Variants in GLRX3 observed in about 807,000 individuals in gnomAD.
GLRX3 encodes the protein glutaredoxin-3.
A neutral mutation model predicts 49.5 loss-of-function variants in GLRX3; 22 were observed. The ratio of observed to expected loss-of-function variants is 0.44; its 90% CI spans 0.32 to 0.63. The LOEUF (loss-of-function observed/expected upper bound fraction) is 0.63. GLRX3 is among the 30% of genes least tolerant of loss of function. The pLI, the probability that GLRX3 is intolerant of heterozygous loss-of-function variation, is 0.05. For synonymous variants in GLRX3, 133 were observed against 140.0 expected (o/e 0.95, Z 0.35); for missense variants, 385 against 396.3 (o/e 0.97, Z 0.24).
At chr10:130,150,629 T>G (rs1015902564) in intron 2 of GLRX3, among the ~76,000 whole-genome samples, 2 of 152,228 alleles carry the variant, frequency 1.3e-5, no homozygotes, top group African/African-American at 4.8e-5. Flanking sequence ...TGCGACTATC[T>G]TAAAGATACA....
chr10:130,160,683 G>A (rs1862557196), intron 3 of GLRX3, 113 bp from the exon 4 acceptor site: 1 of 661,732 alleles, frequency 1.5e-6, no homozygotes, highest in African/African-American at 1.8e-5. Flanking sequence ...TTGGCAATGA[G>A]GGTTTCTTTT....
chr10:130,151,100 G>A (rs1049840757), intron 2 of GLRX3, among the ~76,000 whole-genome samples: 1 of 151,956 alleles, frequency 6.6e-6, no homozygotes, highest in East Asian at 1.9e-4. Flanking sequence ...GCTAATTTTT[G>A]TATTTTTAGT....
chr10:130,171,293 G>A (rs1862803030), intron 7 of GLRX3, among the ~76,000 whole-genome samples: 1 of 152,154 alleles, frequency 6.6e-6, no homozygotes, highest in South Asian at 2.1e-4. Context: ...GAAAATCTCG[G>A]TTTCACTTAG....
At position 130,161,080 on chromosome 10, in the gene GLRX3, C is replaced by T. The variant is rs1457788586; in HGVS notation, c.478+83C>T. ...ATGGTTGAGATGGGCATCCTGTTTC[C>T]AAGGATGCTATACCATACATCTTAT... On this transcript the variant is annotated intron_variant, in intron 4 of 10. Coordinates refer to ENST00000331244, the MANE Select transcript of GLRX3 (RefSeq NM_006541.5). The T allele has an allele frequency of 6.8e-6, 6 of 885,424 alleles. No homozygotes were observed. The East Asian group carries it at 9.6e-5, about 14-fold the overall frequency. The allele number at this position is 885,424 out of a possible 1,614,324, so 54.8% of individuals were successfully genotyped here.
At chr10:130,139,369 G>A (rs1862129817) in intron 1 of GLRX3, among the ~76,000 whole-genome samples, 1 of 149,798 alleles carries the variant, frequency 6.7e-6, no homozygotes, top group African/African-American at 2.5e-5. Context: ...GCCGGGCGCG[G>A]TGGCTCACGC....
rs528925409 is a variant in GLRX3, at chr10:130,146,581, G to A, written c.201+1262G>A. Among the ~76,000 whole-genome samples the A allele has an allele frequency of 2.5e-3, 374 of 152,286 alleles. 3 individuals are homozygous for A. Among genetic ancestry groups the A allele is most frequent in the Non-Finnish European group, 3.9e-3 (268 of 68,028 alleles). On this transcript the variant is annotated intron_variant, in intron 2 of 10. Coordinates refer to ENST00000331244, the MANE Select transcript of GLRX3 (RefSeq NM_006541.5). ...AGATATTATTCAGGACTTAGTACTG[G>A]TTTAGGCAGCAGGGCCAAAATATGT... is the stretch of plus-strand genomic sequence containing the variant.
intron 10 of GLRX3, among the ~76,000 whole-genome samples, chr10:130,177,550 G>A (rs191048320): frequency 6.1e-4 from 93 of 152,330 alleles, no homozygotes; most frequent in African/African-American, 2.1e-3. Context: ...TGAGGAAACA[G>A]AGACATAGAG....
At chr10:130,155,613 G>T (rs1451549943) in intron 2 of GLRX3, among the ~76,000 whole-genome samples, 1 of 152,162 alleles carries the variant, frequency 6.6e-6, no homozygotes, top group Non-Finnish European at 1.5e-5. Flanking sequence ...GATGCCTTGT[G>T]GGAGGAGCAG....
rs775458007 is a variant in GLRX3, at chr10:130,159,949, A to C, written c.202-46A>C. 5 of 1,360,468 alleles carry C rather than the reference A, an allele frequency of 3.7e-6. No individual in the cohort carries two copies. The East Asian group carries it at 1.1e-4, about 31-fold the overall frequency. The allele number at this position is 1,360,468 out of a possible 1,614,324, so 84.3% of individuals were successfully genotyped here. A position where few individuals can be genotyped will look rare whatever the true frequency, so the allele number is the denominator to read the frequency against. ...AACTGATTTACATATTAAAGTAGTG[A>C]AAAAGGACCTTGTAATAATCAAGCT... On this transcript the variant is annotated intron_variant, in intron 2 of 10. Coordinates refer to ENST00000331244, the MANE Select transcript of GLRX3 (RefSeq NM_006541.5).
chr10:130,146,635 G>A (rs141045870), intron 2 of GLRX3, among the ~76,000 whole-genome samples: 1 of 152,336 alleles, frequency 6.6e-6, no homozygotes, highest in East Asian at 1.9e-4. Flanking sequence ...GAATTATCAG[G>A]AGGGGAGGTG....
At chr10:130,167,043 C>A (rs911221181) in intron 6 of GLRX3, 63 bp downstream of exon 6, 5 of 866,400 alleles carry the variant, frequency 5.8e-6, no homozygotes, top group East Asian at 2.9e-5. Flanking sequence ...TTTTAAAGTC[C>A]TCAGGTTTTG....
At chr10:130,163,964 T>C (rs1862632592) in intron 4 of GLRX3, among the ~76,000 whole-genome samples, 1 of 152,246 alleles carries the variant, frequency 6.6e-6, no homozygotes, top group Non-Finnish European at 1.5e-5. Context: ...TGATGTTTGT[T>C]TTTTGATTAG....
intron 1 of GLRX3, among the ~76,000 whole-genome samples, chr10:130,141,929 A>G (rs933718391): frequency 1.3e-5 from 2 of 152,166 alleles, no homozygotes; most frequent in Non-Finnish European, 2.9e-5. Context: ...TTAGGGCCAG[A>G]ATTCAGTTCC....
At chr10:130,171,425 C>T (rs949550982) in intron 7 of GLRX3, among the ~76,000 whole-genome samples, 159 bp from the exon 8 acceptor site, 1 of 151,532 alleles carries the variant, frequency 6.6e-6, no homozygotes, top group Non-Finnish European at 1.5e-5. Flanking sequence ...TAGATGGGTT[C>T]GTACTTGAAG....
At chr10:130,141,101 C>T (rs986679804) in intron 1 of GLRX3, among the ~76,000 whole-genome samples, 5 of 152,044 alleles carry the variant, frequency 3.3e-5, no homozygotes, top group Admixed American at 3.3e-4. Context: ...CTTTGAGAGG[C>T]GAATGCAGGC....
rs147173125 is a variant in GLRX3 at position 130,145,586 on chromosome 10, C to T, written c.201+267C>T. On this transcript the variant is annotated intron_variant, in intron 2 of 10. Transcript: ENST00000331244. ...CTGAGGCAGGAGAATCTTTTGAACC[C>T]GGGAGGCAGAGATTGCAGTGAGCCG... Among the ~76,000 whole-genome samples the T allele has an allele frequency of 9.5e-3, 1,441 of 152,002 alleles. 26 individuals are homozygous for T. The highest frequency in any genetic ancestry group is 0.033 in the African/African-American group (1,384 of 41,482).
chr10:130,157,139 T>C (rs1157296381), intron 2 of GLRX3, among the ~76,000 whole-genome samples: 5 of 151,996 alleles, frequency 3.3e-5, no homozygotes, highest in Non-Finnish European at 7.4e-5. Flanking sequence ...TGAGAGGGGA[T>C]TTAGGAGGCT....
intron 2 of GLRX3, among the ~76,000 whole-genome samples, chr10:130,151,483 T>C (rs1862375696): frequency 6.6e-6 from 1 of 152,156 alleles, no homozygotes; most frequent in African/African-American, 2.4e-5. Flanking sequence ...CAACTCATCA[T>C]TTACATTAGG....
At chr10:130,141,928 G>A (rs1256810763) in intron 1 of GLRX3, among the ~76,000 whole-genome samples, 1 of 152,134 alleles carries the variant, frequency 6.6e-6, no homozygotes, top group African/African-American at 2.4e-5. Flanking sequence ...TTTAGGGCCA[G>A]AATTCAGTTC....
Sources: allele counts gnomAD v4.1 joint callset (sites outside exome capture counted in the v4.1 genomes callset), GRCh38; gene constraint gnomAD v4.1.1; transcripts MANE v1.5; gene names NCBI Gene and HGNC (gene_info 2026-07-23, HGNC 2026-07-21).